CDH9: variants seen among roughly 807,000 people sequenced by gnomAD.
The protein encoded by CDH9 is cadherin-9.
CDH9 carries 28 observed loss-of-function variants against 70.9 expected under a neutral mutation model. The observed-to-expected ratio is 0.40, with a 90% confidence interval of 0.29 to 0.54. CDH9 has a LOEUF of 0.54. Among genes scored for constraint, CDH9 ranks in the 20% least tolerant of loss-of-function variants. The pLI is 0.59. For synonymous variants in CDH9, 409 were observed against 343.1 expected, an observed-to-expected ratio of 1.19 and a Z score of -2.12; for missense variants, 874 against 984.4, an observed-to-expected ratio of 0.89 and a Z score of 1.50.
chr5:26,931,727 T>C (rs1579458850), intron 2 of CDH9, among the ~76,000 whole-genome samples: 1 of 152,212 alleles, frequency 6.6e-6, no homozygotes, highest in East Asian at 1.9e-4. Flanking sequence ...CTATGAAATA[T>C]ATGTATACGA....
intron 5 of CDH9, among the ~76,000 whole-genome samples, chr5:26,904,659 T>C (rs1740914732): frequency 6.6e-6 from 1 of 152,042 alleles, no homozygotes; most frequent in African/African-American, 2.4e-5. Context: ...AAGTCTATAT[T>C]CTTTCCAATT....
intron 2 of CDH9, among the ~76,000 whole-genome samples, chr5:26,944,403 C>A (rs1053507658): frequency 6.6e-6 from 1 of 152,174 alleles, no homozygotes; most frequent in Non-Finnish European, 1.5e-5. Flanking sequence ...GTAATCCCAG[C>A]ACTTTGGGAG....
At chr5:27,030,909 G>C (rs1743300290) in intron 1 of CDH9, among the ~76,000 whole-genome samples, 1 of 151,550 alleles carries the variant, frequency 6.6e-6, no homozygotes, top group Admixed American at 6.6e-5. Context: ...AATTTTTTTA[G>C]TGTATATGTT....
intron 3 of CDH9, among the ~76,000 whole-genome samples, chr5:26,910,223 C>CTAT (rs1166873308): frequency 7.0e-5 from 8 of 114,866 alleles, no homozygotes; most frequent in African/African-American, 1.3e-4. Flanking sequence ...TATCTATCAT[C>CTAT]CATCTATCTA....
At chr5:26,947,085 C>T (rs924172209) in intron 2 of CDH9, among the ~76,000 whole-genome samples, 1 of 152,074 alleles carries the variant, frequency 6.6e-6, no homozygotes, top group Non-Finnish European at 1.5e-5. Flanking sequence ...ACTTTTTTCA[C>T]AGGAGTGTTT....
chr5:26,933,842 A>G (rs932141639), intron 2 of CDH9, among the ~76,000 whole-genome samples: 42 of 152,068 alleles, frequency 2.8e-4, no homozygotes, highest in African/African-American at 9.9e-4. Context: ...GAGAAGACAC[A>G]TTACTACTAT....
At chr5:26,983,750 C>T (rs1333465528) in intron 2 of CDH9, among the ~76,000 whole-genome samples, 1 of 151,990 alleles carries the variant, frequency 6.6e-6, no homozygotes, top group East Asian at 1.9e-4. Context: ...CTGGAAAACA[C>T]TGTGATATAC....
chr5:27,013,735 T>C (rs1386708336), intron 1 of CDH9, among the ~76,000 whole-genome samples: 2 of 152,002 alleles, frequency 1.3e-5, no homozygotes, highest in East Asian at 3.9e-4. Context: ...TTAAGCTCAC[T>C]GAGATTTCAA....
At chr5:26,895,709 C>A (rs1740737877) in intron 7 of CDH9, among the ~76,000 whole-genome samples, 1 of 151,976 alleles carries the variant, frequency 6.6e-6, no homozygotes, top group African/African-American at 2.4e-5. Flanking sequence ...TCTCATGTTG[C>A]AAGTGGCAGA....
At chr5:27,008,445 G>T (rs1282872854) in intron 1 of CDH9, among the ~76,000 whole-genome samples, 1 of 151,546 alleles carries the variant, frequency 6.6e-6, no homozygotes, top group Non-Finnish European at 1.5e-5. Flanking sequence ...AGCTGACATT[G>T]CACCACTGCA....
chr5:26,955,136 TCTCAA>T (rs1239086586), intron 2 of CDH9, among the ~76,000 whole-genome samples: 7 of 152,250 alleles, frequency 4.6e-5, no homozygotes, highest in Non-Finnish European at 1.5e-5. Context: ...ATATACTATT[TCTCAA>T]CTCTTCTTTT....
intron 2 of CDH9, among the ~76,000 whole-genome samples, chr5:26,925,880 C>G (rs899315018): frequency 3.3e-5 from 5 of 151,908 alleles, no homozygotes; most frequent in African/African-American, 1.2e-4. Flanking sequence ...AGGCCTTTGA[C>G]AAAATTCAAC....
chr5:26,958,227 G>A (rs139894928), intron 2 of CDH9, among the ~76,000 whole-genome samples: 21 of 152,282 alleles, frequency 1.4e-4, no homozygotes, highest in African/African-American at 5.1e-4. Flanking sequence ...ATGAACATTA[G>A]TGGACATTAA....
rs560015184 is a variant in CDH9, at chr5:26,889,822, A to T, written c.1512+14T>A. The T allele has an allele frequency of 1.2e-4, 174 of 1,505,340 alleles. 1 individual carries two copies. The highest frequency in any genetic ancestry group is 2.7e-4 in the Admixed American group (15 of 55,584). The allele number at this position is 1,505,340 out of a possible 1,614,324, so 93.2% of individuals were successfully genotyped here. A position where few individuals can be genotyped will look rare whatever the true frequency, so the allele number is the denominator to read the frequency against. On this transcript the variant is annotated intron_variant, in intron 9 of 11. Transcript: ENST00000231021. The stretch of plus-strand genomic sequence containing the variant: ...GAAAATATATTCTTTTAAGTTTTTA[A>T]TGATTTTATTTACCTGCCCAGGTTT...
intron 2 of CDH9, among the ~76,000 whole-genome samples, chr5:26,940,787 C>G (rs371832504): frequency 1.3e-5 from 2 of 152,182 alleles, no homozygotes; most frequent in Non-Finnish European, 2.9e-5. Flanking sequence ...TACTATTAAA[C>G]TGGTAAGAAC....
intron 1 of CDH9, among the ~76,000 whole-genome samples, chr5:26,999,618 T>C (rs1424858457): frequency 6.6e-6 from 1 of 152,170 alleles, no homozygotes; most frequent in East Asian, 1.9e-4. Context: ...CAAAGGCAAT[T>C]CAATGTAGAA....
intron 1 of CDH9, among the ~76,000 whole-genome samples, chr5:27,026,351 G>A (rs1459967850): frequency 6.6e-6 from 1 of 151,554 alleles, no homozygotes; most frequent in Non-Finnish European, 1.5e-5. Flanking sequence ...AACATACCAG[G>A]GCTGTTTCAC....
rs1486705983 is a variant in CDH9, at chr5:26,902,527, A to T, written c.1202T>A (p.Ile401Asn). 1 of 1,602,528 alleles carries T rather than the reference A, an allele frequency of 6.2e-7. No homozygotes were observed. The highest frequency in any genetic ancestry group is 1.7e-5 in the Admixed American group (1 of 59,856). ...EVDEDVKEGS[I>N]IGQVTAYDPD... The stretch of plus-strand genomic sequence containing the variant: ...ATCGTATGCTGTAACCTGTCCAATG[A>T]TACTGCCCTCCTTTACATCTTCATC... The change falls in exon 7 of 12, where the codon ATC becomes AAC. Residue 401 changes from isoleucine to asparagine, a missense_variant. Ile to Asn is a moderately radical substitution (Grantham distance 149). Transcript: ENST00000231021.
chr5:27,020,789 G>A (rs1743126253), intron 1 of CDH9, among the ~76,000 whole-genome samples: 2 of 150,808 alleles, frequency 1.3e-5, no homozygotes, highest in African/African-American at 4.9e-5. Flanking sequence ...ACATTTTAAG[G>A]TTATTCTTGG....
Sources: gnomAD v4.1 joint callset for allele counts (sites outside exome capture counted in the v4.1 genomes callset) on GRCh38, gnomAD v4.1.1 for gene constraint, MANE v1.5 for transcripts, NCBI Gene and HGNC (gene_info 2026-07-23, HGNC 2026-07-21) for gene names.